PICALM: variants seen among roughly 807,000 people sequenced by gnomAD.
PICALM encodes phosphatidylinositol binding clathrin assembly protein.
PICALM carries 40 observed loss-of-function variants against 80.5 expected under a neutral mutation model. The observed-to-expected ratio is 0.50, with a 90% CI of 0.39 to 0.65. PICALM has a LOEUF of 0.65. Among genes scored for constraint, PICALM ranks in the 30% least tolerant of loss-of-function variants. PICALM has a pLI of 0.00. For synonymous variants in PICALM, 288 were observed against 260.3 expected (o/e 1.11, Z -1.02); for missense variants, 676 against 778.9 (o/e 0.87, Z 1.57).
rs564855667 is a variant in PICALM, at chr11:86,023,501, G to T, written c.350-1032C>A. 1.3e-4 allele frequency: 131 copies of T among 984,788 alleles called. No homozygotes were observed. In the African/African-American group the frequency reaches 2.0e-3, roughly 15 times the overall value. The allele number at this position is 984,788 out of a possible 1,614,324, so 61.0% of individuals were successfully genotyped here. On this transcript the variant is annotated intron_variant, in intron 3 of 19. Transcript: ENST00000393346. ...TTCTATCTACTATACCCCATCCTAA[G>T]ACGGTAAACACCTCTCATCCTTCAA...
chr11:86,011,127 A>C lies in PICALM; in HGVS notation c.668T>G (p.Phe223Cys). 7.4e-7 allele frequency: 1 copy of C among 1,350,600 alleles called. No homozygotes were observed. Among genetic ancestry groups the C allele is most frequent in the South Asian group, 1.3e-5 (1 of 79,694 alleles). 83.7% of individuals were successfully genotyped at this position (1,350,600 alleles called of 1,614,324 possible). ...TTTGCATTGGTTCTTTTTCATATCA[A>C]AATATTTTTCTGACAAAATAAATGT... The part of the protein sequence containing the change: ...EGIINLLEKY[F>C]DMKKNQCKEG... Residue 223 changes from phenylalanine to cysteine, a missense_variant, in exon 7 of 20, where the codon TTT (phenylalanine) becomes TGT (cysteine). Phe to Cys is a radical substitution (Grantham distance 205). Transcript: ENST00000393346.
intron 1 of PICALM, among the ~76,000 whole-genome samples, chr11:86,035,018 C>T (rs2095815957): frequency 6.6e-6 from 1 of 152,018 alleles, no homozygotes; most frequent in Non-Finnish European, 1.5e-5. Flanking sequence ...CAAGTAAATG[C>T]TCAACTAGCC....
At chr11:86,038,724 C>G (rs533638371) in intron 1 of PICALM, among the ~76,000 whole-genome samples, 1 of 138,476 alleles carries the variant, frequency 7.2e-6, no homozygotes, top group East Asian at 2.1e-4. Context: ...AGGTTGCGAG[C>G]TGAGATCACA....
intron 8 of PICALM, among the ~76,000 whole-genome samples, chr11:86,006,371 G>GC (rs1409973182): frequency 1.4e-4 from 22 of 152,154 alleles, no homozygotes; most frequent in South Asian, 4.1e-4. Context: ...CTGGAAGCTG[G>GC]GTGTGGTGGT....
At chr11:85,964,676 G>A (rs373473080) in intron 19 of PICALM, among the ~76,000 whole-genome samples, 1,948 of 55,282 alleles carry the variant, frequency 0.035, 46 homozygotes, top group African/African-American at 0.14. Flanking sequence ...CTCCTCTGCC[G>A]TGCTCTGTTA....
chr11:86,057,422 C>A (rs188481375), intron 1 of PICALM, among the ~76,000 whole-genome samples: 1 of 152,134 alleles, frequency 6.6e-6, no homozygotes, highest in Non-Finnish European at 1.5e-5. Context: ...GCCTGTAATC[C>A]CAGCTACCCG....
chr11:86,045,474 C>A (rs925450456), intron 1 of PICALM, among the ~76,000 whole-genome samples: 5 of 128,508 alleles, frequency 3.9e-5, no homozygotes, highest in Non-Finnish European at 1.6e-5. Flanking sequence ...TGAATAGCCA[C>A]TGAACTCCAG....
At chr11:86,012,562 T>A (rs984782687) in intron 5 of PICALM, among the ~76,000 whole-genome samples, 170 bp from the exon 6 acceptor site, 1 of 152,222 alleles carries the variant, frequency 6.6e-6, no homozygotes, top group African/African-American at 2.4e-5. Flanking sequence ...GTAGCTACCA[T>A]ATAAATGAAC....
chr11:86,017,522 G>GTTAA (rs2095499925), intron 4 of PICALM, among the ~76,000 whole-genome samples: 1 of 152,128 alleles, frequency 6.6e-6, no homozygotes, highest in Non-Finnish European at 1.5e-5. Flanking sequence ...TTTGTTATGT[G>GTTAA]TTAAGCACTA....
intron 2 of PICALM, among the ~76,000 whole-genome samples, chr11:86,030,245 A>G (rs1442992501): frequency 1.3e-5 from 2 of 152,242 alleles, no homozygotes; most frequent in Non-Finnish European, 1.5e-5. Context: ...AGGGAAGACC[A>G]AAATGTGCCA....
intron 2 of PICALM, among the ~76,000 whole-genome samples, chr11:86,026,684 G>T (rs2095653985): frequency 6.6e-6 from 1 of 152,080 alleles, no homozygotes; most frequent in Non-Finnish European, 1.5e-5. Context: ...TTTTTAGGTG[G>T]CATCTGTATT....
rs190959848 is a variant in PICALM, at chr11:86,031,697, G to T, written c.131-86C>A. ...CAGATCTGCATACAAACAGGCAAAA[G>T]ATTTAACACAAAGTGGAGCAGTAAT... is the stretch of plus-strand genomic sequence containing the variant. On this transcript the variant is annotated intron_variant, in intron 1 of 19. Coordinates refer to ENST00000393346, the MANE Select transcript of PICALM (RefSeq NM_007166.4). 2.9e-5 allele frequency: 27 copies of T among 929,818 alleles called. No individual in the cohort carries two copies. In the African/African-American group the frequency reaches 3.5e-4, roughly 12 times the overall value. The allele number at this position is 929,818 out of a possible 1,614,324, so 57.6% of individuals were successfully genotyped here. A position where few individuals can be genotyped will look rare whatever the true frequency, so the allele number is the denominator to read the frequency against.
At position 85,974,737 on chromosome 11, in the gene PICALM, T is replaced by A; in HGVS notation, c.1915A>T (p.Asn639Tyr). ...IYSQPVMRPP[N>Y]PFGPVSGAQI... ...GCTCCTGATACAGGGCCAAAGGGGT[T>A]TGGAGGTCTCATGACAGGCTGGCTG... Residue 639 changes from asparagine (N) to tyrosine (Y), a missense_variant, in exon 19 of 20, where the codon AAC becomes TAC. This residue lies in a region of PICALM where 391 missense variants were observed against 383.6 expected (regional missense o/e 1.02). Coordinates refer to ENST00000393346, the MANE Select transcript of PICALM (RefSeq NM_007166.4). The A allele has an allele frequency of 6.2e-7, 1 of 1,613,426 alleles. No homozygotes were observed. Among genetic ancestry groups the A allele is most frequent in the Non-Finnish European group, 8.5e-7 (1 of 1,179,392 alleles).
At chr11:85,966,095 A>G (rs954780151) in intron 19 of PICALM, among the ~76,000 whole-genome samples, 1 of 152,056 alleles carries the variant, frequency 6.6e-6, no homozygotes, top group African/African-American at 2.4e-5. Flanking sequence ...CTGGGATTAC[A>G]GGTGTGAGCC....
At chr11:86,061,921 A>G (rs958777388) in intron 1 of PICALM, among the ~76,000 whole-genome samples, 1 of 152,194 alleles carries the variant, frequency 6.6e-6, no homozygotes, top group African/African-American at 2.4e-5. Flanking sequence ...AGAATAGTCA[A>G]GTGCAAAAGA....
intron 1 of PICALM, among the ~76,000 whole-genome samples, chr11:86,039,957 T>A (rs2137019287): frequency 7.2e-6 from 1 of 138,040 alleles, no homozygotes; most frequent in South Asian, 2.2e-4. Context: ...TGAGCCGAGA[T>A]CGCGCCATTG....
At chr11:85,999,403 T>A (rs2095076220) in intron 11 of PICALM, among the ~76,000 whole-genome samples, 1 of 152,238 alleles carries the variant, frequency 6.6e-6, no homozygotes, top group Non-Finnish European at 1.5e-5. Context: ...TAGTTCTTTA[T>A]CCAATAATTT....
chr11:86,032,771 CATT>C (rs2095780343), intron 1 of PICALM, among the ~76,000 whole-genome samples: 1 of 152,142 alleles, frequency 6.6e-6, no homozygotes. Flanking sequence ...TTATTCATGA[CATT>C]AATTTGTTCA....
At chr11:85,982,027 T>A in intron 14 of PICALM, 24 bp from the exon 15 acceptor site, 1 of 1,609,086 alleles carries the variant, frequency 6.2e-7, no homozygotes, top group South Asian at 1.1e-5. Flanking sequence ...ACAGACGAAA[T>A]AGAATTTGTA....
Sources: gnomAD v4.1 joint callset for allele counts (sites outside exome capture counted in the v4.1 genomes callset) on GRCh38, gnomAD v4.1.1 for gene constraint, gnomAD v4.1.1 regional missense constraint, MANE v1.5 for transcripts, NCBI Gene and HGNC (gene_info 2026-07-23, HGNC 2026-07-21) for gene names.